GAPVD1: variants seen among roughly 807,000 people sequenced by gnomAD.
The protein encoded by GAPVD1 is GTPase activating protein and VPS9 domains 1.
A neutral mutation model predicts 155.5 loss-of-function variants in GAPVD1; 35 were observed. That is an observed-to-expected ratio of 0.23 (90% confidence interval 0.17 to 0.30). GAPVD1 has a LOEUF of 0.30. Ranked by LOEUF, GAPVD1 falls within the 10% of genes least tolerant of loss-of-function variation. The probability of loss-of-function intolerance (pLI) is 1.00; values close to 1 mark genes in which losing one functional copy is unlikely to be tolerated. For synonymous variants in GAPVD1, 636 were observed against 619.7 expected (o/e 1.03, Z -0.39); for missense variants, 1,429 against 1,775.7 (o/e 0.80, Z 3.51).
chr9:125,308,374 C>G (rs922413306), intron 8 of GAPVD1: 1 of 153,620 alleles, frequency 6.5e-6, no homozygotes, highest in Non-Finnish European at 1.4e-5. Flanking sequence ...ATGTAGCCCC[C>G]TCCTTTCTAC....
At chr9:125,334,331 T>TA (rs1846552906) in intron 15 of GAPVD1, among the ~76,000 whole-genome samples, 1 of 151,318 alleles carries the variant, frequency 6.6e-6, no homozygotes, top group South Asian at 2.1e-4. Context: ...GAATAAAAAT[T>TA]ACTTAATCAC....
At chr9:125,271,869 C>G (rs1347422799) in intron 2 of GAPVD1, among the ~76,000 whole-genome samples, 1 of 152,064 alleles carries the variant, frequency 6.6e-6, no homozygotes, top group Non-Finnish European at 1.5e-5. Flanking sequence ...CTAATCTATC[C>G]CTTTGTTTTA....
At chr9:125,345,357 T>C (rs1345695884) in intron 19 of GAPVD1, among the ~76,000 whole-genome samples, 1 of 152,104 alleles carries the variant, frequency 6.6e-6, no homozygotes, top group Non-Finnish European at 1.5e-5. Context: ...ATTTTTGTAT[T>C]TTTAGTAGAG....
Position 125,295,439 on chromosome 9 carries a change from T to G in GAPVD1, c.-149-19T>G, listed in dbSNP as rs1234042065. 1 of 150,042 alleles carries G rather than the reference T, an allele frequency of 6.7e-6. No individual in the cohort carries two copies. Among genetic ancestry groups the G allele is most frequent in the African/African-American group, 2.5e-5 (1 of 40,634 alleles). The allele number at this position is 150,042 out of a possible 1,614,324, so 9.3% of individuals were successfully genotyped here. On this transcript the variant is annotated intron_variant, in intron 2 of 27. Coordinates refer to ENST00000297933, the MANE Select transcript of GAPVD1 (RefSeq NM_001282680.3). ...ACCCTTTTCCTCAATCTTTTTTTTT[T>G]TTTTTTTTTTTGGGACAGGGTCTGG... is the stretch of plus-strand genomic sequence containing the variant.
chr9:125,335,178 T>A, intron 15 of GAPVD1: 1 of 765,430 alleles, frequency 1.3e-6, no homozygotes, highest in Non-Finnish European at 2.4e-6. Context: ...CCAGATTTTC[T>A]TTATATACTT....
chr9:125,355,581 C>G, intron 24 of GAPVD1, 63 bp from the exon 25 acceptor site: 1 of 1,024,044 alleles, frequency 9.8e-7, no homozygotes, highest in East Asian at 2.6e-5. Context: ...CTATGATTTC[C>G]TTTTTAAAAT....
At chr9:125,334,270 TAAA>T (rs780577226) in intron 15 of GAPVD1, among the ~76,000 whole-genome samples, 14 of 104,448 alleles carry the variant, frequency 1.3e-4, no homozygotes, top group Non-Finnish European at 1.6e-4. Flanking sequence ...CACTCACAGT[TAAA>T]AAAAAAAAAA....
chr9:125,355,131 C>CAAA (rs1416510985), intron 24 of GAPVD1, among the ~76,000 whole-genome samples: 2 of 151,986 alleles, frequency 1.3e-5, no homozygotes, highest in Admixed American at 6.6e-5. Context: ...TTTTTAGAAA[C>CAAA]TTTTGAGACG....
At chr9:125,264,348 C>T (rs1399804232) in intron 1 of GAPVD1, among the ~76,000 whole-genome samples, 1 of 152,114 alleles carries the variant, frequency 6.6e-6, no homozygotes, top group Non-Finnish European at 1.5e-5. Flanking sequence ...ACACCAGCCA[C>T]CACGCCTGGA....
chr9:125,311,571 A>G (rs1842694521), intron 8 of GAPVD1, among the ~76,000 whole-genome samples: 1 of 152,228 alleles, frequency 6.6e-6, no homozygotes, highest in Non-Finnish European at 1.5e-5. Context: ...CAATGAGCCG[A>G]GACTGCGCCA....
At chr9:125,345,298 A>T (rs145068582) in intron 19 of GAPVD1, among the ~76,000 whole-genome samples, 99 of 151,448 alleles carry the variant, frequency 6.5e-4, no homozygotes, top group African/African-American at 2.1e-3. Flanking sequence ...CTTCTGCCTC[A>T]GCCTCCCGAG....
At chr9:125,300,170 A>G (rs1840641870) in intron 4 of GAPVD1, among the ~76,000 whole-genome samples, 1 of 140,092 alleles carries the variant, frequency 7.1e-6, no homozygotes. Context: ...ATACCTACGA[A>G]GAACATTTAT....
rs1233956779 is a variant in GAPVD1 at position 125,362,666 on chromosome 9, C to G, written c.4303C>G (p.Leu1435Val). ...QYISSFYASC[L>V]SGEESYWWMQ... Reference sequence around the variant, plus strand: ...TATCAGTAGCTTTTATGCTAGCTGTCTGTCTGGAGAGGAGTCCTATTGGTG... The same window carrying G: ...TATCAGTAGCTTTTATGCTAGCTGTGTGTCTGGAGAGGAGTCCTATTGGTG... The change falls in exon 28 of 28, where the codon CTG (leucine) becomes GTG (valine). Residue 1435 changes from leucine (L) to valine (V), a missense_variant. This residue lies in a region of GAPVD1 where 102 missense variants were observed against 196.5 expected (regional missense o/e 0.52). Coordinates refer to ENST00000297933, the MANE Select transcript of GAPVD1 (RefSeq NM_001282680.3). 6.2e-7 allele frequency: 1 copy of G among 1,613,082 alleles called. No homozygotes were observed. Among genetic ancestry groups the G allele is most frequent in the African/African-American group, 1.3e-5 (1 of 74,884 alleles).
intron 2 of GAPVD1, among the ~76,000 whole-genome samples, chr9:125,289,940 G>A (rs928347906): frequency 6.6e-6 from 1 of 152,184 alleles, no homozygotes; most frequent in African/African-American, 2.4e-5. Context: ...ACTGAGTGGA[G>A]AAGGACAGGA....
chr9:125,355,640 G>T lies in GAPVD1; in HGVS notation c.3758-4G>T. On this transcript the variant is annotated splice_polypyrimidine_tract_variant and splice_region_variant and intron_variant, in intron 24 of 27. Coordinates refer to ENST00000297933, the MANE Select transcript of GAPVD1 (RefSeq NM_001282680.3). ...TATTTAAAAATTATTATTTTGCTTT[G>T]GAGACTTTCAGAAACTCACCGCAGC... is the stretch of plus-strand genomic sequence containing the variant. 6.4e-7 allele frequency: 1 copy of T among 1,566,112 alleles called. No homozygotes were observed. Among genetic ancestry groups the T allele is most frequent in the Non-Finnish European group, 8.8e-7 (1 of 1,141,252 alleles).
chr9:125,348,812 G>T (rs924966739), intron 20 of GAPVD1, among the ~76,000 whole-genome samples: 3 of 152,096 alleles, frequency 2.0e-5, no homozygotes, highest in African/African-American at 7.2e-5. Context: ...GCACCCAGCC[G>T]TGTATTCTTG....
chr9:125,322,126 G>T (rs531634171), intron 10 of GAPVD1, among the ~76,000 whole-genome samples: 2 of 151,750 alleles, frequency 1.3e-5, no homozygotes, highest in East Asian at 1.9e-4. Flanking sequence ...GTGCAGTGTC[G>T]CAATCTCGGC....
intron 4 of GAPVD1, among the ~76,000 whole-genome samples, chr9:125,299,363 A>C (rs1212188642): frequency 6.6e-6 from 1 of 152,146 alleles, no homozygotes; most frequent in Non-Finnish European, 1.5e-5. Flanking sequence ...TGTCTATATA[A>C]AATGTTATTG....
At chr9:125,335,387 T>A (rs114812954) in intron 15 of GAPVD1, 609 of 411,580 alleles carry the variant, frequency 1.5e-3, no homozygotes, top group African/African-American at 0.01. Flanking sequence ...TTTTTTTTTT[T>A]AAAAATGGGG....
Sources: gnomAD v4.1 joint callset for allele counts (sites outside exome capture counted in the v4.1 genomes callset) on GRCh38, gnomAD v4.1.1 for gene constraint, gnomAD v4.1.1 regional missense constraint, MANE v1.5 for transcripts, NCBI Gene and HGNC (gene_info 2026-07-23, HGNC 2026-07-21) for gene names.